ST6GALNAC3: variants seen among roughly 807,000 people sequenced by gnomAD.
ST6GALNAC3 encodes the protein ST6 N-acetylgalactosaminide alpha-2,6-sialyltransferase 3, also known as alpha-N-acetylgalactosaminide alpha-2,6-sialyltransferase 3.
In ST6GALNAC3, 25 loss-of-function variants were observed where a neutral mutation model predicts 32.7. The ratio of observed to expected loss-of-function variants is 0.76; its 90% CI spans 0.56 to 1.07. The LOEUF is 1.07. Among genes scored for constraint, ST6GALNAC3 ranks in the 50% least tolerant of loss-of-function variants. ST6GALNAC3 has a pLI of 0.00. For synonymous variants in ST6GALNAC3, 129 were observed against 133.1 expected (o/e 0.97, Z 0.21); for missense variants, 355 against 382.4 (o/e 0.93, Z 0.60).
chr1:76,575,595 T>C (rs1212990590), intron 3 of ST6GALNAC3, among the ~76,000 whole-genome samples: 1 of 152,040 alleles, frequency 6.6e-6, no homozygotes, highest in Non-Finnish European at 1.5e-5. Context: ...AAGTTTCTTA[T>C]ATGAGGAGTT....
At chr1:76,587,090 C>A (rs2100567710) in intron 3 of ST6GALNAC3, among the ~76,000 whole-genome samples, 1 of 152,190 alleles carries the variant, frequency 6.6e-6, no homozygotes, top group Non-Finnish European at 1.5e-5. Flanking sequence ...TTCCAGACAC[C>A]AGATATGAAG....
At chr1:76,278,967 T>C (rs1488816581) in intron 1 of ST6GALNAC3, among the ~76,000 whole-genome samples, 5 of 152,236 alleles carry the variant, frequency 3.3e-5, no homozygotes, top group Non-Finnish European at 7.3e-5. Context: ...ATGACCGGAA[T>C]GGATAATCCT....
chr1:76,619,253 T>A (rs1275371071), intron 3 of ST6GALNAC3, among the ~76,000 whole-genome samples: 3 of 152,188 alleles, frequency 2.0e-5, no homozygotes, highest in Non-Finnish European at 4.4e-5. Flanking sequence ...AGCAGTGGTA[T>A]GTGTTTGCAT....
intron 1 of ST6GALNAC3, among the ~76,000 whole-genome samples, chr1:76,188,690 C>T (rs1653721658): frequency 6.6e-6 from 1 of 152,096 alleles, no homozygotes; most frequent in African/African-American, 2.4e-5. Context: ...GTAACATAAA[C>T]AATTGATTAA....
At chr1:76,169,832 A>G (rs996675260) in intron 1 of ST6GALNAC3, among the ~76,000 whole-genome samples, 3 of 152,016 alleles carry the variant, frequency 2.0e-5, no homozygotes, top group African/African-American at 7.2e-5. Context: ...AAATATATAT[A>G]TATACTGGCT....
chr1:76,524,294 T>C (rs1196322144), intron 3 of ST6GALNAC3, among the ~76,000 whole-genome samples: 1 of 152,176 alleles, frequency 6.6e-6, no homozygotes, highest in Non-Finnish European at 1.5e-5. Context: ...AGAGGGAAGA[T>C]AGGTGAACAT....
chr1:76,091,331 C>A (rs1647042486), intron 1 of ST6GALNAC3, among the ~76,000 whole-genome samples: 1 of 152,194 alleles, frequency 6.6e-6, no homozygotes, highest in Non-Finnish European at 1.5e-5. Flanking sequence ...ACCTTTTGAG[C>A]CCTTAGATCA....
rs1352381978 is a variant in ST6GALNAC3 at position 76,505,127 on chromosome 1, G to T, written c.623+92710G>T. ...TAGAAGCAGGAAATGGGAAGCCAAAGCTTTTTTTTTTTTTCAGACAGAGTC... is the reference window on the plus strand; with the variant it reads ...TAGAAGCAGGAAATGGGAAGCCAAATCTTTTTTTTTTTTTCAGACAGAGTC... On this transcript the variant is annotated intron_variant, in intron 3 of 4. Coordinates refer to ENST00000328299, the MANE Select transcript of ST6GALNAC3 (RefSeq NM_152996.4). Among the ~76,000 whole-genome samples, 3 of 148,008 alleles carry T rather than the reference G, an allele frequency of 2.0e-5. 1 individual carries two copies. The South Asian group carries it at 6.2e-4, about 31-fold the overall frequency.
At position 76,110,864 on chromosome 1, in the gene ST6GALNAC3, A is replaced by G. The variant is rs75590761; in HGVS notation, c.18+35980A>G. Among the ~76,000 whole-genome samples, 457 of 152,362 alleles carry G rather than the reference A, an allele frequency of 3.0e-3. 2 individuals are homozygous for G. Among genetic ancestry groups the G allele is most frequent in the Middle Eastern group, 0.014 (4 of 294 alleles). On this transcript the variant is annotated intron_variant, in intron 1 of 4. Transcript: ENST00000328299. ...GAGTAGATTGTGAAACACTGAAGAC[A>G]TTAGTGTCTGGGAACCTAAGCCAAA...
At chr1:76,533,370 T>C (rs1278327794) in intron 3 of ST6GALNAC3, among the ~76,000 whole-genome samples, 1 of 152,144 alleles carries the variant, frequency 6.6e-6, no homozygotes, top group Non-Finnish European at 1.5e-5. Context: ...CCCTTATCCA[T>C]ACACATGTGA....
chr1:76,139,173 G>A (rs551324712), intron 1 of ST6GALNAC3, among the ~76,000 whole-genome samples: 93 of 150,566 alleles, frequency 6.2e-4, no homozygotes, highest in Middle Eastern at 3.2e-3. Context: ...CAGCCTGGGC[G>A]ACAGAGCGAG....
Position 76,412,235 on chromosome 1 carries a change from G to A in ST6GALNAC3, c.441G>A (p.Ala147=), listed in dbSNP as rs779081271. 20 of 1,613,530 alleles carry A rather than the reference G, an allele frequency of 1.2e-5. No homozygotes were observed. The African/African-American group carries it at 2.0e-4, about 16-fold the overall frequency. ...ACCCTGATTATTTTTTCAAGGAAGC[G>A]AATACTACTATTTATGTTATTTGGG... ...LKNPDYFFKE[A]NTTIYVIWGP... Residue 147 remains alanine (A), a synonymous_variant, in exon 3 of 5, where the codon GCG becomes GCA. Transcript: ENST00000328299.
chr1:76,161,560 C>T, intron 1 of ST6GALNAC3, among the ~76,000 whole-genome samples: 1 of 152,184 alleles, frequency 6.6e-6, no homozygotes, highest in Admixed American at 6.5e-5. Context: ...CTCTGCTAAT[C>T]ACCCAAGGAT....
intron 1 of ST6GALNAC3, among the ~76,000 whole-genome samples, chr1:76,109,038 T>G (rs890602763): frequency 6.6e-6 from 1 of 152,192 alleles, no homozygotes; most frequent in Admixed American, 6.5e-5. Flanking sequence ...ATTAGATGAT[T>G]TAAAGATTCT....
At chr1:76,169,564 C>T (rs1652343074) in intron 1 of ST6GALNAC3, among the ~76,000 whole-genome samples, 1 of 152,146 alleles carries the variant, frequency 6.6e-6, no homozygotes, top group East Asian at 1.9e-4. Context: ...AGATTGGTTG[C>T]ATTTTCCCCA....
intron 3 of ST6GALNAC3, among the ~76,000 whole-genome samples, chr1:76,504,398 C>T (rs948685901): frequency 2.0e-5 from 3 of 151,996 alleles, no homozygotes; most frequent in South Asian, 2.1e-4. Flanking sequence ...CTGCAAAGGC[C>T]TTTATTCCAT....
At chr1:76,424,930 G>A (rs1013768496) in intron 3 of ST6GALNAC3, among the ~76,000 whole-genome samples, 9 of 152,014 alleles carry the variant, frequency 5.9e-5, no homozygotes, top group African/African-American at 1.9e-4. Flanking sequence ...AAAGCTAGAT[G>A]TGAACACCTC....
At chr1:76,593,996 G>A (rs1480894282) in intron 3 of ST6GALNAC3, among the ~76,000 whole-genome samples, 1 of 152,064 alleles carries the variant, frequency 6.6e-6, no homozygotes, top group African/African-American at 2.4e-5. Context: ...AAAGACCCCA[G>A]GGTGGAAGGG....
chr1:76,260,973 T>TACACAC (rs59946768), intron 1 of ST6GALNAC3, among the ~76,000 whole-genome samples: 7,527 of 146,214 alleles, frequency 0.051, 249 homozygotes, highest in Non-Finnish European at 0.073. Flanking sequence ...GAGGTTTTGA[T>TACACAC]ACACACACAC....
Sources: gnomAD v4.1 joint callset for allele counts (sites outside exome capture counted in the v4.1 genomes callset) on GRCh38, gnomAD v4.1.1 for gene constraint, MANE v1.5 for transcripts, NCBI Gene and HGNC (gene_info 2026-07-23, HGNC 2026-07-21) for gene names.